Variants in DNAAF5 observed in about 807,000 individuals in gnomAD.
The protein encoded by DNAAF5 is HEAT repeat containing 2.
Under a neutral mutation model 75.8 loss-of-function variants are expected in DNAAF5, and 64 were observed. The ratio of observed to expected loss-of-function variants is 0.84; its 90% CI spans 0.69 to 1.04. The LOEUF is 1.04. DNAAF5 is among the 50% of genes least tolerant of loss of function. The pLI, the probability that DNAAF5 is intolerant of heterozygous loss-of-function variation, is 0.00. For synonymous variants in DNAAF5, 657 were observed against 557.2 expected, an observed-to-expected ratio of 1.18 and a Z score of -2.52; for missense variants, 1,269 against 1,178.5, an observed-to-expected ratio of 1.08 and a Z score of -1.12.
Position 763,830 on chromosome 7 carries a change from G to C in DNAAF5, c.1639G>C (p.Ala547Pro). The C allele has an allele frequency of 6.2e-7, 1 of 1,613,438 alleles. No individual in the cohort carries two copies. The highest frequency in any genetic ancestry group is 8.5e-7 in the Non-Finnish European group (1 of 1,180,028). Residue 547 changes from alanine to proline, a missense_variant, in exon 8 of 13, where the codon GCC becomes CCC. Coordinates refer to ENST00000297440, the MANE Select transcript of DNAAF5 (RefSeq NM_017802.4). ...DKAQETMDSLAMVEGVSSCQD... is the reference protein window; with the variant it reads ...DKAQETMDSLPMVEGVSSCQD... ...GGCACAGGAGACGATGGACTCACTGGCCATGGTGGAGGGTGTCAGCAGCTG... is the reference window on the plus strand; with the variant it reads ...GGCACAGGAGACGATGGACTCACTGCCCATGGTGGAGGGTGTCAGCAGCTG...
intron 2 of DNAAF5, among the ~76,000 whole-genome samples, chr7:736,477 A>G (rs1461635535): frequency 1.3e-5 from 2 of 152,192 alleles, no homozygotes; most frequent in African/African-American, 2.4e-5. Context: ...GTCTCTTAGT[A>G]TAGTTTTCGT....
rs1027651909 is a variant in DNAAF5, at chr7:774,203, G to A, written c.2082+5G>A. The A allele has an allele frequency of 1.2e-6, 2 of 1,600,312 alleles. No homozygotes were observed. The highest frequency in any genetic ancestry group is 1.7e-5 in the Admixed American group (1 of 59,584). ...GAGGTCCTGTCGGCAGAGCAGGTAC[G>A]GGGCTCCCTGCGTGCTCGGTGGACA... On this transcript the variant is annotated splice_donor_5th_base_variant and intron_variant, in intron 10 of 12. Coordinates refer to ENST00000297440, the MANE Select transcript of DNAAF5 (RefSeq NM_017802.4).
At chr7:771,424 G>C (rs1428268895) in intron 9 of DNAAF5, 2 of 152,370 alleles carry the variant, frequency 1.3e-5, no homozygotes, top group Admixed American at 6.5e-5. Flanking sequence ...GGCTGGATCT[G>C]GGCTGCGTCA....
intron 6 of DNAAF5, among the ~76,000 whole-genome samples, chr7:758,078 G>A (rs62432242): frequency 0.79 from 120,168 of 152,244 alleles, 47,617 homozygotes; most frequent in South Asian, 0.86. Flanking sequence ...GGAGGGGCCC[G>A]GGCCGCGTGC....
In DNAAF5 at chr7:775,122, C is replaced by T. The variant is rs1188920913; in HGVS notation, c.2199C>T (p.Gly733=). The T allele has an allele frequency of 4.3e-6, 7 of 1,614,032 alleles. No individual in the cohort carries two copies. Among genetic ancestry groups the T allele is most frequent in the African/African-American group, 2.7e-5 (2 of 74,908 alleles). ...RIINTFLKTS[G]GMTDPEKLIR... is the part of the protein sequence containing the mutation. The stretch of plus-strand genomic sequence containing the variant: ...TCAACACGTTCTTAAAAACCTCGGG[C>T]GGCATGACGGATCCAGAGAAACTCA... The change falls in exon 11 of 13, where the codon GGC becomes GGT. Residue 733 remains glycine, a synonymous_variant. Transcript: ENST00000297440.
intron 8 of DNAAF5, chr7:768,851 G>T (rs145178012): frequency 2.6e-6 from 1 of 385,524 alleles, no homozygotes; most frequent in East Asian, 4.0e-5. Context: ...ACACTGTCTT[G>T]TTTCCAGTTT....
At chr7:769,475 G>A (rs1272526129) in intron 8 of DNAAF5, among the ~76,000 whole-genome samples, 1 of 152,126 alleles carries the variant, frequency 6.6e-6, no homozygotes, top group Non-Finnish European at 1.5e-5. Flanking sequence ...CAAGCCTCGC[G>A]CCCACCGGAG....
intron 4 of DNAAF5, among the ~76,000 whole-genome samples, chr7:745,305 T>A (rs567697557): frequency 1.4e-4 from 21 of 152,022 alleles, no homozygotes; most frequent in Non-Finnish European, 2.8e-4. Flanking sequence ...CCCAGGAGGG[T>A]CCAGTCCTTC....
chr7:745,299 G>T (rs1782049009), intron 4 of DNAAF5, among the ~76,000 whole-genome samples: 1 of 152,262 alleles, frequency 6.6e-6, no homozygotes, highest in African/African-American at 2.4e-5. Context: ...CCAAGACCCA[G>T]GAGGGTCCAG....
intron 8 of DNAAF5, among the ~76,000 whole-genome samples, chr7:766,879 A>C (rs1782836952): frequency 5.3e-5 from 8 of 152,220 alleles, no homozygotes; most frequent in Admixed American, 4.6e-4. Flanking sequence ...AAGAATTAAT[A>C]CAACTAATAA....
chr7:780,145 G>A lies in DNAAF5; in HGVS notation c.2431+1G>A. 1 of 1,613,544 alleles carries A rather than the reference G, an allele frequency of 6.2e-7. No homozygotes were observed. Among genetic ancestry groups the A allele is most frequent in the Non-Finnish European group, 8.5e-7 (1 of 1,179,588 alleles). On this transcript the variant is annotated splice_donor_variant, in intron 12 of 12. Transcript: ENST00000297440. LOFTEE classifies it high-confidence loss of function. ...AGGGCCATCCAGGATGCAATTTTAG[G>A]TGAGACTCCGACGGCTTGGCCTTCG... is the stretch of plus-strand genomic sequence containing the variant.
At chr7:736,873 G>GT (rs1175618168) in intron 2 of DNAAF5, among the ~76,000 whole-genome samples, 1 of 151,720 alleles carries the variant, frequency 6.6e-6, no homozygotes, top group African/African-American at 2.4e-5. Flanking sequence ...CTGTTGTGGC[G>GT]TTTTTTATTT....
chr7:741,835 T>C (rs907883737), intron 4 of DNAAF5, among the ~76,000 whole-genome samples: 1 of 152,082 alleles, frequency 6.6e-6, no homozygotes, highest in Admixed American at 6.5e-5. Context: ...TGCTGGTGGT[T>C]GGGGGGTGTT....
At chr7:738,199 A>G (rs139393673) in intron 2 of DNAAF5, among the ~76,000 whole-genome samples, 52 of 152,298 alleles carry the variant, frequency 3.4e-4, no homozygotes, top group African/African-American at 1.2e-3. Flanking sequence ...TCTGCTGTTG[A>G]GAGGCTCCAA....
intron 4 of DNAAF5, among the ~76,000 whole-genome samples, chr7:742,846 AAATCAATCAT>A (rs1490893428): frequency 2.5e-4 from 37 of 150,822 alleles, no homozygotes; most frequent in Non-Finnish European, 3.8e-4. Flanking sequence ...TGCCCAGCTC[AAATCAATCAT>A]GCCCAGCTCA....
chr7:775,202 T>A lies in DNAAF5; in HGVS notation c.2239+40T>A, dbSNP rs554440581. ...TTGTTCACAGCCTGTGTATATGCAG[T>A]CAGCCCTCCGTGTCCCTGGGTTCCG... On this transcript the variant is annotated intron_variant, in intron 11 of 12. Coordinates refer to ENST00000297440, the MANE Select transcript of DNAAF5 (RefSeq NM_017802.4). 15 of 1,595,974 alleles carry A rather than the reference T, an allele frequency of 9.4e-6. No homozygotes were observed. In the African/African-American group the frequency reaches 1.9e-4, roughly 20 times the overall value.
At chr7:782,588 G>A (rs1288283868) in intron 12 of DNAAF5, among the ~76,000 whole-genome samples, 2 of 147,266 alleles carry the variant, frequency 1.4e-5, no homozygotes, top group Non-Finnish European at 3.0e-5. Context: ...TCTTCCCGGC[G>A]TGGCCGCGTC....
chr7:774,314 G>C, intron 10 of DNAAF5, 116 bp downstream of exon 10: 1 of 1,111,590 alleles, frequency 9.0e-7, no homozygotes. Flanking sequence ...ACCTCCACCT[G>C]GGGCCCGTAC....
At position 775,134 on chromosome 7, in the gene DNAAF5, T is replaced by A. The variant is rs759310566; in HGVS notation, c.2211T>A (p.Asp737Glu). The change falls in exon 11 of 13, where the codon GAT becomes GAA. Residue 737 changes from aspartate (D) to glutamate (E), a missense_variant. Coordinates refer to ENST00000297440, the MANE Select transcript of DNAAF5 (RefSeq NM_017802.4). ...TFLKTSGGMT[D>E]PEKLIRIYPE... ...TAAAAACCTCGGGCGGCATGACGGATCCAGAGAAACTCATCAGGATTTATC... is the reference window on the plus strand; with the variant it reads ...TAAAAACCTCGGGCGGCATGACGGAACCAGAGAAACTCATCAGGATTTATC... 1.2e-6 allele frequency: 2 copies of A among 1,614,108 alleles called. No individual in the cohort carries two copies. The highest frequency in any genetic ancestry group is 2.2e-5 in the South Asian group (2 of 91,072).
Sources: allele counts gnomAD v4.1 joint callset (sites outside exome capture counted in the v4.1 genomes callset), GRCh38; gene constraint gnomAD v4.1.1; transcripts MANE v1.5; gene names NCBI Gene and HGNC (gene_info 2026-07-23, HGNC 2026-07-21).